LRP2: variants seen among roughly 807,000 people sequenced by gnomAD.
The protein encoded by LRP2 is LDL receptor related protein 2, also known as low-density lipoprotein receptor-related protein 2.
LRP2 carries 172 observed loss-of-function variants against 531.0 expected under a neutral mutation model. The ratio of observed to expected loss-of-function variants is 0.32; its 90% CI spans 0.29 to 0.37. The LOEUF (loss-of-function observed/expected upper bound fraction) is 0.37. Ranked by LOEUF, LRP2 falls within the 10% of genes least tolerant of loss-of-function variation. The pLI, the probability that LRP2 is intolerant of heterozygous loss-of-function variation, is 1.00. For synonymous variants in LRP2, 1,992 were observed against 2,027.6 expected (o/e 0.98, Z 0.47); for missense variants, 5,167 against 5,868.3 (o/e 0.88, Z 3.90).
At chr2:169,220,252 C>T (rs762671516) in intron 34 of LRP2, among the ~76,000 whole-genome samples, 3 of 152,094 alleles carry the variant, frequency 2.0e-5, no homozygotes, top group Non-Finnish European at 2.9e-5. Flanking sequence ...ATTTGAAGAC[C>T]ATAGGACAAA....
intron 1 of LRP2, among the ~76,000 whole-genome samples, chr2:169,323,591 C>G (rs1312777692): frequency 6.7e-6 from 1 of 149,444 alleles, no homozygotes; most frequent in East Asian, 2.0e-4. Context: ...AAAGTTTTAT[C>G]TAGATATTAT....
chr2:169,206,552 G>A lies in LRP2; in HGVS notation c.7168C>T (p.Leu2390Phe), dbSNP rs139943493. 6.2e-7 allele frequency: 1 copy of A among 1,614,170 alleles called. No homozygotes were observed. Among genetic ancestry groups the A allele is most frequent in the African/African-American group, 1.3e-5 (1 of 75,054 alleles). Residue 2390 changes from leucine (L) to phenylalanine (F), a missense_variant, in exon 39 of 79, where the codon CTC becomes TTC. Physicochemically the swap from Leu to Phe is conservative, Grantham distance 22. Coordinates refer to ENST00000649046, the MANE Select transcript of LRP2 (RefSeq NM_004525.3). ...KNCAISTENFLIFALSNSLRS... is the reference protein window; with the variant it reads ...KNCAISTENFFIFALSNSLRS... ...AAGGAATTAGACAAGGCAAAGATGA[G>A]GAAATTTTCTGTTGAAATGGCACAA...
At chr2:169,239,053 A>G (rs1689710112) in intron 26 of LRP2, among the ~76,000 whole-genome samples, 1 of 152,224 alleles carries the variant, frequency 6.6e-6, no homozygotes, top group Non-Finnish European at 1.5e-5. Context: ...TCTGACATCC[A>G]GACTCCTACT....
rs748170950 is a variant in LRP2 at position 169,172,124 on chromosome 2, T to C, written c.11154A>G (p.Thr3718=). Residue 3718 remains threonine, a synonymous_variant, in exon 58 of 79, where the codon ACA becomes ACG. Transcript: ENST00000649046. ...AGCGGAAATCCCCCACAGGATGGCA[T>C]GTCCTCTCCTCTGCAAAGCAGTCAT... ...NSDEQGCEER[T]CHPVGDFRCK... is the part of the protein sequence containing the mutation. 69 of 1,614,064 alleles carry C rather than the reference T, an allele frequency of 4.3e-5. No homozygotes were observed. The highest frequency in any genetic ancestry group is 5.3e-5 in the Non-Finnish European group (63 of 1,180,006).
chr2:169,256,261 T>C (rs543356091), intron 18 of LRP2, 25 bp from the exon 19 acceptor site: 3 of 1,605,506 alleles, frequency 1.9e-6, no homozygotes. Flanking sequence ...TATTTAGTTA[T>C]CTCTTATCCA....
intron 16 of LRP2, among the ~76,000 whole-genome samples, chr2:169,267,904 T>TA (rs1683266705): frequency 1.3e-5 from 2 of 151,714 alleles, no homozygotes; most frequent in Non-Finnish European, 2.9e-5. Context: ...CTAGACACAA[T>TA]AAAAAATGAT....
rs771825774 is a variant in LRP2 at position 169,146,896 on chromosome 2, C to G, written c.12654G>C (p.Glu4218Asp). The change falls in exon 69 of 79, where the codon GAG becomes GAC. Residue 4218 changes from glutamate (E) to aspartate (D), a missense_variant. Glu to Asp is a conservative substitution (Grantham distance 45). Around this residue, in one of 6 missense-constraint regions of LRP2, gnomAD observed 564 missense variants for 747.7 expected, o/e 0.75. Coordinates refer to ENST00000649046, the MANE Select transcript of LRP2 (RefSeq NM_004525.3). ...CCTCGAAAACCAGGATGTTGCGGTC[C>G]TCTCCATTCATCCAGGCAGACTCGA... ...PKIESAWMNGEDRNILVFEDL... is the reference protein window; with the variant it reads ...PKIESAWMNGDDRNILVFEDL... 6.8e-6 allele frequency: 11 copies of G among 1,614,106 alleles called. No individual in the cohort carries two copies. The highest frequency in any genetic ancestry group is 8.5e-6 in the Non-Finnish European group (10 of 1,180,006).
rs538625583 is a variant in LRP2 at position 169,244,061 on chromosome 2, C to A, written c.3431-539G>T. Reference sequence around the variant, plus strand: ...ACAACATGAAATTATATTAAATACACACTTATAGGGTATGAAAGCTAGAAG... The same window carrying A: ...ACAACATGAAATTATATTAAATACAAACTTATAGGGTATGAAAGCTAGAAG... On this transcript the variant is annotated intron_variant, in intron 22 of 78. Transcript: ENST00000649046. 6.6e-5 allele frequency among the ~76,000 whole-genome samples: 10 copies of A among 152,288 alleles called. No homozygotes were observed. The South Asian group carries it at 1.7e-3, about 25-fold the overall frequency.
At chr2:169,350,461 A>G (rs1685816459) in intron 1 of LRP2, among the ~76,000 whole-genome samples, 1 of 152,118 alleles carries the variant, frequency 6.6e-6, no homozygotes, top group Non-Finnish European at 1.5e-5. Context: ...GGCCAGGCAC[A>G]GTGGTTCATG....
chr2:169,205,569 CG>C lies in LRP2; in HGVS notation c.7624del (p.Arg2542AlafsTer5), dbSNP rs758533951. ...IERATLGGNF[R>X]VPIVNSSLVM... is the part of the protein sequence containing the mutation. ...CAGACTGCTGTTCACAATGGGTACG[CG>C]GAAGTTTCCTCCCAATGTGGCTCTC... is the stretch of plus-strand genomic sequence containing the variant. On this transcript the variant is annotated frameshift_variant, in exon 41 of 79. Transcript: ENST00000649046. LOFTEE classifies it high-confidence loss of function. 6.2e-7 allele frequency: 1 copy of C among 1,613,966 alleles called. No individual in the cohort carries two copies. The highest frequency in any genetic ancestry group is 1.1e-5 in the South Asian group (1 of 91,066).
At chr2:169,199,016 G>T in intron 44 of LRP2, 105 bp from the exon 45 acceptor site, 1 of 1,209,318 alleles carries the variant, frequency 8.3e-7, no homozygotes. Flanking sequence ...ACCACTGGAA[G>T]GGCGGCATTT....
intron 76 of LRP2, 150 bp from the exon 77 acceptor site, chr2:169,132,831 G>A (rs1419998549): frequency 1.0e-5 from 7 of 672,084 alleles, no homozygotes; most frequent in Middle Eastern, 3.8e-4. Flanking sequence ...TGACCCAGTA[G>A]GCCAGGACTA....
At chr2:169,173,843 C>T (rs1211218771) in intron 56 of LRP2, 76 bp downstream of exon 56, 1 of 1,592,272 alleles carries the variant, frequency 6.3e-7, no homozygotes, top group Non-Finnish European at 8.6e-7. Context: ...AGCTCCATGT[C>T]CTCTCTCAGT....
At chr2:169,340,931 C>A (rs1212421010) in intron 1 of LRP2, among the ~76,000 whole-genome samples, 1 of 152,138 alleles carries the variant, frequency 6.6e-6, no homozygotes, top group African/African-American at 2.4e-5. Flanking sequence ...GTGCCAGACA[C>A]AAGAGACCAG....
intron 17 of LRP2, among the ~76,000 whole-genome samples, chr2:169,258,758 C>A (rs1282747293): frequency 6.6e-6 from 1 of 151,950 alleles, no homozygotes; most frequent in Admixed American, 6.6e-5. Context: ...ATTGTTTGGT[C>A]CTCTGCAACT....
intron 6 of LRP2, among the ~76,000 whole-genome samples, chr2:169,292,596 TG>T (rs1304081828): frequency 6.6e-6 from 1 of 152,130 alleles, no homozygotes; most frequent in African/African-American, 2.4e-5. Context: ...TGCCGGTTTC[TG>T]TTTTTCAAGA....
chr2:169,234,309 C>A (rs1339187324), intron 29 of LRP2, among the ~76,000 whole-genome samples: 1 of 152,048 alleles, frequency 6.6e-6, no homozygotes, highest in East Asian at 1.9e-4. Flanking sequence ...CCCCCACCCA[C>A]TGACAGGCCC....
At chr2:169,264,723 A>T (rs1690722599) in intron 16 of LRP2, among the ~76,000 whole-genome samples, 1 of 152,000 alleles carries the variant, frequency 6.6e-6, no homozygotes, top group Admixed American at 6.6e-5. Flanking sequence ...GTGCACTCAC[A>T]CTCAGAGGCA....
chr2:169,268,454 T>C (rs1480467087), intron 16 of LRP2, among the ~76,000 whole-genome samples: 1 of 152,190 alleles, frequency 6.6e-6, no homozygotes, highest in East Asian at 1.9e-4. Context: ...TGGTTCAGCA[T>C]ACACAAATCA....
Sources: gnomAD v4.1 joint callset for allele counts (sites outside exome capture counted in the v4.1 genomes callset) on GRCh38, gnomAD v4.1.1 for gene constraint, gnomAD v4.1.1 regional missense constraint, MANE v1.5 for transcripts, NCBI Gene and HGNC (gene_info 2026-07-23, HGNC 2026-07-21) for gene names.